Variants in ARID5B observed in about 807,000 individuals in gnomAD.
ARID5B encodes AT-rich interaction domain 5B.
In ARID5B, 13 loss-of-function variants were observed where a neutral mutation model predicts 97.2. That is an observed-to-expected ratio of 0.13 (90% confidence interval 0.09 to 0.21). The LOEUF (loss-of-function observed/expected upper bound fraction) is 0.21, where lower values mean the gene tolerates loss of function less well. ARID5B is among the 10% of genes least tolerant of loss of function. The pLI, the probability that ARID5B is intolerant of heterozygous loss-of-function variation, is 1.00. For synonymous variants in ARID5B, 556 were observed against 570.3 expected (o/e 0.97, Z 0.36); for missense variants, 1,210 against 1,465.3 (o/e 0.83, Z 2.84).
At chr10:62,029,082 A>G (rs1839461025) in intron 4 of ARID5B, among the ~76,000 whole-genome samples, 1 of 152,354 alleles carries the variant, frequency 6.6e-6, no homozygotes, top group South Asian at 2.1e-4. Context: ...CTGCTCTCCA[A>G]AACTGTTCGT....
At chr10:62,035,595 A>AT (rs1299649102) in intron 4 of ARID5B, among the ~76,000 whole-genome samples, 1 of 151,938 alleles carries the variant, frequency 6.6e-6, no homozygotes, top group Non-Finnish European at 1.5e-5. Context: ...GGTTTAAGTG[A>AT]TTCTCCTGTC....
chr10:62,085,676 G>A lies in ARID5B; in HGVS notation c.1200-26G>A, dbSNP rs189482055. Reference sequence around the variant, plus strand: ...TGCTACTGGAATTACTCAACTGACCGATCATCTCTTCTGTTAACCTTTTAG... The same window carrying A: ...TGCTACTGGAATTACTCAACTGACCAATCATCTCTTCTGTTAACCTTTTAG... On this transcript the variant is annotated intron_variant, in intron 8 of 9. Transcript: ENST00000279873. 2.3e-5 allele frequency: 36 copies of A among 1,573,478 alleles called. No individual in the cohort carries two copies. In the East Asian group the frequency reaches 3.4e-4, roughly 15 times the overall value.
chr10:62,054,438 T>C (rs7098633), intron 5 of ARID5B, among the ~76,000 whole-genome samples: 8,359 of 152,208 alleles, frequency 0.055, 442 homozygotes, highest in Admixed American at 0.16. Flanking sequence ...AGCTTCTGTT[T>C]ACTTGTTCAC....
rs753587242 is a variant in ARID5B, at chr10:62,057,158, T to C, written c.888T>C (p.Asn296=). ...EARSALTKPK[N]NHNCKKVSNE... is the part of the protein sequence containing the mutation. ...GGTCAGCCTTGACCAAGCCGAAGAA[T>C]AACCATAACTGTAAAAAAGTCTCAA... is the stretch of plus-strand genomic sequence containing the variant. Residue 296 remains asparagine, a synonymous_variant, in exon 6 of 10, where the codon AAT becomes AAC. Transcript: ENST00000279873. 5.0e-6 allele frequency: 8 copies of C among 1,613,592 alleles called. No individual in the cohort carries two copies. The highest frequency in any genetic ancestry group is 6.8e-6 in the Non-Finnish European group (8 of 1,179,700).
intron 3 of ARID5B, among the ~76,000 whole-genome samples, chr10:61,996,894 AAAT>A (rs1035470798): frequency 8.9e-5 from 13 of 145,436 alleles, no homozygotes; most frequent in South Asian, 2.2e-4. Context: ...TGAAAAAAAA[AAAT>A]ATATATATAT....
rs574859860 is a variant in ARID5B at position 61,950,016 on chromosome 10, C to CT, written c.502+9617dup. Among the ~76,000 whole-genome samples the CT allele has an allele frequency of 4.7e-4, 71 of 151,374 alleles. 1 individual carries two copies. The South Asian group carries it at 9.9e-3, about 21-fold the overall frequency. On this transcript the variant is annotated intron_variant, in intron 3 of 9. Coordinates refer to ENST00000279873, the MANE Select transcript of ARID5B (RefSeq NM_032199.3). Reference sequence around the variant, plus strand: ...CCCAACTGATCCACCATGTTTTGTTCTTTTTTTTTGAGATGGAGGTTTGCT... The same window carrying CT: ...CCCAACTGATCCACCATGTTTTGTTCTTTTTTTTTTGAGATGGAGGTTTGCT...
At chr10:61,986,695 C>T (rs1022557844) in intron 3 of ARID5B, among the ~76,000 whole-genome samples, 5 of 152,154 alleles carry the variant, frequency 3.3e-5, no homozygotes, top group Admixed American at 1.3e-4. Context: ...CAGTGTTTCC[C>T]GTGCTGTGGT....
chr10:62,067,372 C>T (rs1167306516), intron 7 of ARID5B, among the ~76,000 whole-genome samples: 2 of 152,232 alleles, frequency 1.3e-5, no homozygotes, highest in Non-Finnish European at 1.5e-5. Flanking sequence ...CGTGAGCCAC[C>T]ATGCCCGGCC....
intron 4 of ARID5B, 66 bp from the exon 5 acceptor site, chr10:62,050,822 T>C: frequency 7.4e-7 from 1 of 1,344,272 alleles, no homozygotes; most frequent in African/African-American, 1.5e-5. Flanking sequence ...AGTGAGATTC[T>C]GGGTCTTTAA....
intron 3 of ARID5B, among the ~76,000 whole-genome samples, chr10:61,983,605 G>T (rs543768517): frequency 1.3e-5 from 2 of 151,364 alleles, no homozygotes; most frequent in Non-Finnish European, 2.9e-5. Flanking sequence ...TCCCACCTGA[G>T]GAAAAAAAAA....
At chr10:61,968,712 G>A (rs1314319952) in intron 3 of ARID5B, among the ~76,000 whole-genome samples, 1 of 152,124 alleles carries the variant, frequency 6.6e-6, no homozygotes, top group Non-Finnish European at 1.5e-5. Flanking sequence ...ATGTGGATAG[G>A]TTTGCTGTTC....
chr10:62,003,978 A>G (rs2132872069), intron 4 of ARID5B, among the ~76,000 whole-genome samples: 1 of 152,326 alleles, frequency 6.6e-6, no homozygotes, highest in Non-Finnish European at 1.5e-5. Flanking sequence ...ATTTAATGAA[A>G]AGTTTGATTA....
intron 9 of ARID5B, among the ~76,000 whole-genome samples, 155 bp downstream of exon 9, chr10:62,086,055 C>G (rs563040734): frequency 6.6e-6 from 1 of 152,274 alleles, no homozygotes; most frequent in South Asian, 2.1e-4. Flanking sequence ...ACATAGTTCC[C>G]CAGTTCCTGA....
intron 3 of ARID5B, among the ~76,000 whole-genome samples, chr10:61,989,192 G>C (rs868078660): frequency 6.6e-6 from 1 of 152,056 alleles, no homozygotes; most frequent in African/African-American, 2.4e-5. Context: ...GCCTCCCAAA[G>C]TGCTGGGATT....
At chr10:61,932,755 A>G (rs996092293) in intron 2 of ARID5B, among the ~76,000 whole-genome samples, 2 of 151,514 alleles carry the variant, frequency 1.3e-5, no homozygotes, top group South Asian at 4.2e-4. Context: ...ATTGGAGTCA[A>G]CCCTCTCAAA....
chr10:62,056,766 C>G (rs1038671366), intron 5 of ARID5B, among the ~76,000 whole-genome samples: 5 of 152,100 alleles, frequency 3.3e-5, no homozygotes, highest in Admixed American at 6.6e-5. Context: ...AACTATGACC[C>G]ACTGGCTGGC....
chr10:62,017,562 C>T (rs1416385748), intron 4 of ARID5B, among the ~76,000 whole-genome samples: 1 of 151,782 alleles, frequency 6.6e-6, no homozygotes, highest in Non-Finnish European at 1.5e-5. Context: ...GCTAATTCAG[C>T]TGCAGAGTAA....
chr10:62,050,406 T>A (rs1192716190), intron 4 of ARID5B, among the ~76,000 whole-genome samples: 2 of 152,212 alleles, frequency 1.3e-5, no homozygotes, highest in Non-Finnish European at 2.9e-5. Context: ...TGTATGGTAA[T>A]TTGAGAGAAT....
intron 4 of ARID5B, among the ~76,000 whole-genome samples, chr10:62,019,528 T>C (rs926472585): frequency 4.6e-5 from 7 of 152,260 alleles, no homozygotes; most frequent in Admixed American, 6.5e-5. Context: ...TGCTTCTGGC[T>C]AGTTCTTAAC....
Sources: gnomAD v4.1 joint callset for allele counts (sites outside exome capture counted in the v4.1 genomes callset) on GRCh38, gnomAD v4.1.1 for gene constraint, MANE v1.5 for transcripts, NCBI Gene and HGNC (gene_info 2026-07-23, HGNC 2026-07-21) for gene names.